TSPAN4: variants seen among roughly 807,000 people sequenced by gnomAD.
TSPAN4 encodes the protein tetraspanin-4.
TSPAN4 carries 38 observed loss-of-function variants against 31.5 expected under a neutral mutation model. The ratio of observed to expected loss-of-function variants is 1.21; its 90% CI spans 0.93 to 1.58. TSPAN4 has a LOEUF of 1.58. TSPAN4 is among the 40% of genes most tolerant of loss of function. TSPAN4 has a pLI of 0.00. For missense variants in TSPAN4, 330 were observed against 317.3 expected (o/e 1.04, Z -0.30); for synonymous variants, 186 against 144.6 (o/e 1.29, Z -2.06).
At chr11:846,531 A>G (rs1015776164) in intron 1 of TSPAN4, among the ~76,000 whole-genome samples, 9 of 152,150 alleles carry the variant, frequency 5.9e-5, no homozygotes, top group African/African-American at 2.2e-4. Flanking sequence ...CCAGCAGGGC[A>G]GGGAGTAGTG....
chr11:863,453 C>T (rs893842589), intron 4 of TSPAN4: 2 of 152,286 alleles, frequency 1.3e-5, no homozygotes, highest in African/African-American at 2.4e-5. Flanking sequence ...CTCAGCCAGT[C>T]CACTCCCCTC....
At chr11:844,705 CT>C (rs1417399090) in intron 1 of TSPAN4, 5 of 29,148 alleles carry the variant, frequency 1.7e-4, no homozygotes, top group Non-Finnish European at 3.0e-4. Context: ...GGCCTGGCTT[CT>C]GGGGGGGGGG....
At chr11:859,166 A>G (rs1172662063) in intron 3 of TSPAN4, among the ~76,000 whole-genome samples, 1 of 89,652 alleles carries the variant, frequency 1.1e-5, no homozygotes, top group Non-Finnish European at 2.2e-5. Context: ...GCTCACACGC[A>G]CCCCAGGTCA....
chr11:846,370 C>T (rs1847325044), intron 1 of TSPAN4, among the ~76,000 whole-genome samples: 1 of 152,230 alleles, frequency 6.6e-6, no homozygotes, highest in Non-Finnish European at 1.5e-5. Context: ...CTTTTCCAAC[C>T]TGCAGAGCTC....
chr11:865,570 G>A lies in TSPAN4; in HGVS notation c.388G>A (p.Gly130Ser). ...KKGLHLYGTQ[G>S]NVGLTNAWSI... ...AGGCTTGCACCTGTACGGCACGCAG[G>A]GCAACGTGGGCCTCACCAACGCCTG... Residue 130 changes from glycine to serine, a missense_variant, in exon 6 of 9, where the codon GGC becomes AGC. Gly to Ser is a moderately conservative substitution (Grantham distance 56). Transcript: ENST00000397397. 1 of 1,612,766 alleles carries A rather than the reference G, an allele frequency of 6.2e-7. No individual in the cohort carries two copies. The highest frequency in any genetic ancestry group is 2.2e-5 in the East Asian group (1 of 44,860).
chr11:853,005 G>T (rs1432346457), intron 3 of TSPAN4, among the ~76,000 whole-genome samples: 1 of 152,120 alleles, frequency 6.6e-6, no homozygotes, highest in Non-Finnish European at 1.5e-5. Context: ...CCGGGGTGGG[G>T]TGAGGAAAGT....
At chr11:852,732 G>A (rs185574742) in intron 3 of TSPAN4, among the ~76,000 whole-genome samples, 59 of 152,332 alleles carry the variant, frequency 3.9e-4, no homozygotes, top group African/African-American at 1.3e-3. Flanking sequence ...CCCTGTTGTC[G>A]GGGCTTTTGC....
At chr11:860,950 G>A (rs548824125) in intron 3 of TSPAN4, among the ~76,000 whole-genome samples, 9 of 152,162 alleles carry the variant, frequency 5.9e-5, no homozygotes, top group Non-Finnish European at 8.8e-5. Flanking sequence ...GGGCACCCAC[G>A]CTGCAGACCG....
intron 2 of TSPAN4, among the ~76,000 whole-genome samples, chr11:847,715 T>C (rs978421837): frequency 6.6e-6 from 1 of 151,038 alleles, no homozygotes; most frequent in African/African-American, 2.4e-5. Flanking sequence ...TGTGCAGAGC[T>C]TTGTAGATGG....
chr11:848,532 C>T lies in TSPAN4; in HGVS notation c.-18+1232C>T, dbSNP rs1033582775. 1.3e-5 allele frequency among the ~76,000 whole-genome samples: 2 copies of T among 152,084 alleles called. No homozygotes were observed. Among genetic ancestry groups the T allele is most frequent in the South Asian group, 4.1e-4 (2 of 4,830 alleles). Reference sequence around the variant, plus strand: ...AGGTCGTCAGGGGTGGGCAGAGCTGCGGGACCTCCCTGGGCACCCGGGGCT... The same window carrying T: ...AGGTCGTCAGGGGTGGGCAGAGCTGTGGGACCTCCCTGGGCACCCGGGGCT... On this transcript the variant is annotated intron_variant, in intron 2 of 8. Transcript: ENST00000397397. This position sits in a 1 kb window ranked among gnomAD's most constrained non-coding sequence, Gnocchi z 5.7.
At chr11:860,065 T>A (rs545009909) in intron 3 of TSPAN4, among the ~76,000 whole-genome samples, 23 of 152,264 alleles carry the variant, frequency 1.5e-4, no homozygotes, top group Non-Finnish European at 2.8e-4. Context: ...AGCCAATGGC[T>A]CAGCAGAGCT....
chr11:858,761 C>G, intron 3 of TSPAN4: 1 of 159,278 alleles, frequency 6.3e-6, no homozygotes, highest in Non-Finnish European at 1.4e-5. Context: ...TTCACGCCCG[C>G]TCACACGCAC....
chr11:856,440 T>G (rs929015119), intron 3 of TSPAN4, among the ~76,000 whole-genome samples: 2 of 151,940 alleles, frequency 1.3e-5, no homozygotes, highest in Non-Finnish European at 2.9e-5. Flanking sequence ...GGTGAAGAGG[T>G]CTGGGACGGA....
chr11:844,764 G>A (rs933314058), intron 1 of TSPAN4, among the ~76,000 whole-genome samples: 18 of 152,200 alleles, frequency 1.2e-4, no homozygotes, highest in African/African-American at 4.1e-4. Context: ...ATAGAAGGGG[G>A]CGTTGTGGAG....
Position 850,378 on chromosome 11 carries a change from G to A in TSPAN4, c.63+11G>A. ...AACCTGCTCTTCTGGGTGAGTCCGGGGGCCGGGGTGGGGGCCCGGGAAAGA... is the reference window on the plus strand; with the variant it reads ...AACCTGCTCTTCTGGGTGAGTCCGGAGGCCGGGGTGGGGGCCCGGGAAAGA... On this transcript the variant is annotated intron_variant, in intron 3 of 8. Coordinates refer to ENST00000397397, the MANE Select transcript of TSPAN4 (RefSeq NM_003271.5). The A allele has an allele frequency of 6.3e-7, 1 of 1,597,512 alleles. No homozygotes were observed. The highest frequency in any genetic ancestry group is 8.5e-7 in the Non-Finnish European group (1 of 1,177,342).
intron 3 of TSPAN4, chr11:859,772 C>G (rs1441753398): frequency 6.6e-6 from 1 of 152,652 alleles, no homozygotes; most frequent in East Asian, 1.9e-4. Context: ...TCCTGGGAAG[C>G]CTCCCCTATC....
intron 2 of TSPAN4, chr11:849,768 G>T (rs1337863036): frequency 6.0e-5 from 9 of 149,418 alleles, no homozygotes; most frequent in African/African-American, 2.2e-4. Flanking sequence ...GGTCCGCGCG[G>T]GGGCGGAGCC....
chr11:846,504 G>C (rs1220064189), intron 1 of TSPAN4, among the ~76,000 whole-genome samples: 1 of 152,220 alleles, frequency 6.6e-6, no homozygotes, highest in Admixed American at 6.5e-5. Flanking sequence ...TGAGGGGCGA[G>C]GTGTTGCGGG....
chr11:848,783 T>C lies in TSPAN4; in HGVS notation c.-18+1483T>C. 1 of 565,200 alleles carries C rather than the reference T, an allele frequency of 1.8e-6. No homozygotes were observed. The highest frequency in any genetic ancestry group is 3.2e-6 in the Non-Finnish European group (1 of 311,650). The allele number at this position is 565,200 out of a possible 1,614,324, so 35.0% of individuals were successfully genotyped here. ...TATCTTCCCAACACCGCAGGGCCCT[T>C]GTGCCCTGTGGTGGGGCTGGGGCTT... On this transcript the variant is annotated intron_variant, in intron 2 of 8. Transcript: ENST00000397397. The surrounding 1 kb of genome is among the most constrained non-coding windows in gnomAD (Gnocchi z 5.7).
Sources: gnomAD v4.1 joint callset for allele counts (sites outside exome capture counted in the v4.1 genomes callset) on GRCh38, gnomAD v4.1.1 for gene constraint, Gnocchi (gnomAD v3.1) non-coding constraint, MANE v1.5 for transcripts, NCBI Gene and HGNC (gene_info 2026-07-23, HGNC 2026-07-21) for gene names.